Variants in RMC1 observed in about 807,000 individuals in gnomAD.
RMC1 encodes the protein regulator of MON1-CCZ1.
In RMC1, 44 loss-of-function variants were observed where a neutral mutation model predicts 95.5. That is an observed-to-expected ratio of 0.46 (90% CI 0.36 to 0.59). The LOEUF is 0.59. Ranked by LOEUF, RMC1 falls within the 20% of genes least tolerant of loss-of-function variation. RMC1 has a pLI of 0.00. For missense variants in RMC1, 705 were observed against 819.6 expected (o/e 0.86, Z 1.71); for synonymous variants, 320 against 303.6 (o/e 1.05, Z -0.56).
rs1172400702 is a variant in RMC1 at position 23,516,314 on chromosome 18, A to T, written c.550-6A>T. ...GCTTTTCCTAAAACATTTTCCCCCTAAACAGGCTGGCACTATGTCGAAGCT... is the reference window on the plus strand; with the variant it reads ...GCTTTTCCTAAAACATTTTCCCCCTTAACAGGCTGGCACTATGTCGAAGCT... On this transcript the variant is annotated splice_region_variant and splice_polypyrimidine_tract_variant and intron_variant, in intron 6 of 19. Transcript: ENST00000269221. 10 of 1,614,110 alleles carry T rather than the reference A, an allele frequency of 6.2e-6. No individual in the cohort carries two copies. The highest frequency in any genetic ancestry group is 8.5e-6 in the Non-Finnish European group (10 of 1,179,906).
At chr18:23,530,345 C>T in intron 18 of RMC1, 42 bp from the exon 19 acceptor site, 1 of 1,613,992 alleles carries the variant, frequency 6.2e-7, no homozygotes, top group South Asian at 1.1e-5. Flanking sequence ...AACTCTGTTC[C>T]TGTTGTTTGC....
intron 5 of RMC1, among the ~76,000 whole-genome samples, chr18:23,511,255 T>G (rs2057850586): frequency 6.6e-6 from 1 of 152,158 alleles, no homozygotes; most frequent in African/African-American, 2.4e-5. Context: ...ATGATCTCAC[T>G]TCTAAGTGGG....
At position 23,520,177 on chromosome 18, in the gene RMC1, T is replaced by C. The variant is rs776211976; in HGVS notation, c.850-25T>C. The C allele has an allele frequency of 3.2e-6, 5 of 1,580,012 alleles. No individual in the cohort carries two copies. The South Asian group carries it at 4.4e-5, about 14-fold the overall frequency. On this transcript the variant is annotated intron_variant, in intron 9 of 19. Transcript: ENST00000269221. ...GGGCAAACCATGATTGATTTTGGCC[T>C]CAGTCTTGTCTTTTTCCCCCCCAGA...
At chr18:23,512,411 T>C (rs2057886305) in intron 5 of RMC1, among the ~76,000 whole-genome samples, 1 of 152,136 alleles carries the variant, frequency 6.6e-6, no homozygotes, top group Non-Finnish European at 1.5e-5. Flanking sequence ...TAACTTCCTC[T>C]TAAAATTTTT....
chr18:23,518,203 G>A (rs545587537), intron 7 of RMC1, among the ~76,000 whole-genome samples: 1 of 152,270 alleles, frequency 6.6e-6, no homozygotes, highest in Non-Finnish European at 1.5e-5. Flanking sequence ...CACTTAAATA[G>A]AAAAGGCTGA....
intron 11 of RMC1, 113 bp from the exon 12 acceptor site, chr18:23,524,316 C>A: frequency 1.3e-6 from 2 of 1,482,986 alleles, no homozygotes; most frequent in Non-Finnish European, 1.9e-6. Context: ...TGTCCAGGGG[C>A]CTCGCGTTTA....
chr18:23,505,518 C>T (rs1447461964), intron 2 of RMC1, among the ~76,000 whole-genome samples: 2 of 152,190 alleles, frequency 1.3e-5, no homozygotes, highest in African/African-American at 2.4e-5. Flanking sequence ...TACATATTCT[C>T]CTATGAAATT....
chr18:23,526,227 A>G (rs1220567116), intron 12 of RMC1, among the ~76,000 whole-genome samples: 2 of 152,238 alleles, frequency 1.3e-5, no homozygotes, highest in Admixed American at 6.5e-5. Flanking sequence ...TTTTAAACTA[A>G]TGAGCTGTTG....
At chr18:23,518,299 C>T (rs1032249117) in intron 7 of RMC1, among the ~76,000 whole-genome samples, 1 of 152,012 alleles carries the variant, frequency 6.6e-6, no homozygotes, top group Non-Finnish European at 1.5e-5. Flanking sequence ...AAGACCAGCC[C>T]GGGCAACATA....
chr18:23,521,134 T>G (rs1040904583), intron 10 of RMC1, among the ~76,000 whole-genome samples: 8 of 152,166 alleles, frequency 5.3e-5, no homozygotes, highest in Non-Finnish European at 1.0e-4. Flanking sequence ...GGATTACAAG[T>G]GTGAGCCACC....
chr18:23,527,343 G>A (rs531151549), intron 13 of RMC1, among the ~76,000 whole-genome samples: 6 of 151,944 alleles, frequency 3.9e-5, no homozygotes, highest in East Asian at 3.9e-4. Flanking sequence ...AGGCTGCAGC[G>A]AGCCGTTTGT....
intron 10 of RMC1, among the ~76,000 whole-genome samples, chr18:23,521,216 A>G (rs2058133714): frequency 6.6e-6 from 1 of 152,248 alleles, no homozygotes; most frequent in South Asian, 2.1e-4. Context: ...TATGTTGTGA[A>G]AAAAGCATTT....
chr18:23,509,493 C>T (rs1222333526), intron 5 of RMC1: 6 of 255,708 alleles, frequency 2.3e-5, no homozygotes, highest in Admixed American at 1.1e-4. Context: ...CCTCAGTCTC[C>T]TGAGTAGGTG....
Position 23,526,781 on chromosome 18 carries a change from C to T in RMC1, c.1189+16C>T. The T allele has an allele frequency of 6.2e-7, 1 of 1,612,240 alleles. No individual in the cohort carries two copies. The highest frequency in any genetic ancestry group is 1.3e-5 in the African/African-American group (1 of 74,994). ...TGTTCACAGAGTAAGTTGAATCCTT[C>T]CCCCTTGCTCTGATTCCAGTGTGAG... On this transcript the variant is annotated intron_variant, in intron 13 of 19. Transcript: ENST00000269221.
At position 23,527,831 on chromosome 18, in the gene RMC1, T is replaced by C. The variant is rs1433963745; in HGVS notation, c.1226T>C (p.Ile409Thr). 1.2e-6 allele frequency: 2 copies of C among 1,614,178 alleles called. No homozygotes were observed. Among genetic ancestry groups the C allele is most frequent in the Non-Finnish European group, 1.7e-6 (2 of 1,180,036 alleles). ...TCAGACAGAGCATCGCTGCCCGTGA[T>C]AGCCACTGTTTTTGATAAACTCAAC... ...SESDRASLPVIATVFDKLNHE... is the reference protein window; with the variant it reads ...SESDRASLPVTATVFDKLNHE... The change falls in exon 14 of 20, where the codon ATA becomes ACA. Residue 409 changes from isoleucine (I) to threonine (T), a missense_variant. Transcript: ENST00000269221.
rs557268460 is a variant in RMC1 at position 23,510,603 on chromosome 18, T to A, written c.408+1324T>A. Among the ~76,000 whole-genome samples the A allele has an allele frequency of 2.8e-4, 43 of 151,582 alleles. No homozygotes were observed. In the South Asian group the frequency reaches 8.8e-3, roughly 31 times the overall value. ...CGGAGCTTGTAGTGAGCTGAGATGG[T>A]GCCACTGCACTCCAGCCTGGGCAAC... On this transcript the variant is annotated intron_variant, in intron 5 of 19. Coordinates refer to ENST00000269221, the MANE Select transcript of RMC1 (RefSeq NM_013326.5).
chr18:23,526,576 C>T, intron 12 of RMC1, 61 bp from the exon 13 acceptor site: 2 of 1,585,410 alleles, frequency 1.3e-6, no homozygotes, highest in South Asian at 2.3e-5. Context: ...AGGGGAACCA[C>T]TTTTGGGCTT....
chr18:23,505,774 G>T (rs1444503124), intron 2 of RMC1, among the ~76,000 whole-genome samples: 5 of 152,218 alleles, frequency 3.3e-5, no homozygotes, highest in African/African-American at 1.2e-4. Flanking sequence ...GTAAGACCCG[G>T]GGGTCGGTTG....
intron 19 of RMC1, 136 bp from the exon 20 acceptor site, chr18:23,531,489 A>G: frequency 6.9e-7 from 1 of 1,455,482 alleles, no homozygotes; most frequent in African/African-American, 1.4e-5. Context: ...AGATAGGGTA[A>G]CCCCAAAACT....
Sources: allele counts gnomAD v4.1 joint callset (sites outside exome capture counted in the v4.1 genomes callset), GRCh38; gene constraint gnomAD v4.1.1; transcripts MANE v1.5; gene names NCBI Gene and HGNC (gene_info 2026-07-23, HGNC 2026-07-21).